Variants in RAI1 observed in about 807,000 individuals in gnomAD.
RAI1 encodes retinoic acid-induced protein 1.
A neutral mutation model predicts 123.8 loss-of-function variants in RAI1; 9 were observed. The ratio of observed to expected loss-of-function variants is 0.07; its 90% CI spans 0.04 to 0.13. The LOEUF (loss-of-function observed/expected upper bound fraction) is 0.13. Among genes scored for constraint, RAI1 ranks in the 10% least tolerant of loss-of-function variants. The pLI is 1.00. For synonymous variants in RAI1, 1,231 were observed against 1,127.3 expected, an observed-to-expected ratio of 1.09 and a Z score of -1.84; for missense variants, 2,256 against 2,545.8, an observed-to-expected ratio of 0.89 and a Z score of 2.45.
At chr17:17,765,244 T>C (rs921560285) in intron 2 of RAI1, among the ~76,000 whole-genome samples, 3 of 152,254 alleles carry the variant, frequency 2.0e-5, no homozygotes, top group South Asian at 2.1e-4. Context: ...TCCCATTCAA[T>C]GTGTGCCTTG....
chr17:17,788,989 C>G (rs189299301), intron 2 of RAI1, among the ~76,000 whole-genome samples: 1 of 152,196 alleles, frequency 6.6e-6, no homozygotes, highest in Non-Finnish European at 1.5e-5. Context: ...CATTAGTGGA[C>G]CCACCCGAGG....
Position 17,685,398 on chromosome 17 carries a change from G to A in RAI1, c.-149+3605G>A, listed in dbSNP as rs1391738251. Among the ~76,000 whole-genome samples the A allele has an allele frequency of 6.6e-6, 1 of 152,228 alleles. No homozygotes were observed. The highest frequency in any genetic ancestry group is 1.5e-5 in the Non-Finnish European group (1 of 68,038). ...GGACCCAGCTCATAGCCAAGGCCTC[G>A]ACCAGAGCTGGAGGCTTCCTGGAGG... On this transcript the variant is annotated intron_variant, in intron 1 of 5. Coordinates refer to ENST00000353383, the MANE Select transcript of RAI1 (RefSeq NM_030665.4). The surrounding 1 kb of genome is among the most constrained non-coding windows in gnomAD (Gnocchi z 4.0).
rs1158475382 is a variant in RAI1 at position 17,754,191 on chromosome 17, C to CTTTTTTTT, written c.-17+30055_-17+30062dup. ...TTTTATGCCATTCGCCTAACCCAATCTTTTTTTTTTTTTTTTTTTTTTTTT... is the reference window on the plus strand; with the variant it reads ...TTTTATGCCATTCGCCTAACCCAATCTTTTTTTTTTTTTTTTTTTTTTTTTTTTTTTTT... On this transcript the variant is annotated intron_variant, in intron 2 of 5. Transcript: ENST00000353383. 5.3e-4 allele frequency among the ~76,000 whole-genome samples: 40 copies of CTTTTTTTT among 75,724 alleles called. 1 individual carries two copies. The highest frequency in any genetic ancestry group is 1.2e-3 in the African/African-American group (21 of 17,360). The allele number at this position is 75,724 out of a possible 152,430, so 49.7% of individuals were successfully genotyped here.
intron 1 of RAI1, among the ~76,000 whole-genome samples, chr17:17,703,702 A>G (rs994862379): frequency 1.1e-4 from 16 of 152,288 alleles, no homozygotes; most frequent in African/African-American, 3.9e-4. Context: ...GTGCAGTGGT[A>G]TGATCATAAA....
At chr17:17,695,393 G>A (rs1914988509) in intron 1 of RAI1, among the ~76,000 whole-genome samples, 1 of 152,060 alleles carries the variant, frequency 6.6e-6, no homozygotes, top group African/African-American at 2.4e-5. Flanking sequence ...CCTGAGCTCG[G>A]GCACCCCGCC....
chr17:17,804,682 C>G (rs2032561741), intron 4 of RAI1, among the ~76,000 whole-genome samples: 1 of 152,212 alleles, frequency 6.6e-6, no homozygotes, highest in South Asian at 2.1e-4. Flanking sequence ...TTGTTTGAGA[C>G]AGAGTTTTGC....
chr17:17,748,382 C>T (rs1223818565), intron 2 of RAI1, among the ~76,000 whole-genome samples: 2 of 152,194 alleles, frequency 1.3e-5, no homozygotes, highest in Non-Finnish European at 2.9e-5. Context: ...GGAAGACTTC[C>T]TGAAGGAGGT....
chr17:17,692,266 G>T (rs1259718434), intron 1 of RAI1, among the ~76,000 whole-genome samples: 1 of 152,218 alleles, frequency 6.6e-6, no homozygotes, highest in African/African-American at 2.4e-5. Flanking sequence ...TACAGGGGTT[G>T]GGAAGGTGGG....
rs1276081656 is a variant in RAI1, at chr17:17,685,359, C to G, written c.-149+3566C>G. ...CACTTGACCACAAGAAGGTCACAGC[C>G]CAGTGGGTGATTGGGACCCAGCTCA... On this transcript the variant is annotated intron_variant, in intron 1 of 5. Coordinates refer to ENST00000353383, the MANE Select transcript of RAI1 (RefSeq NM_030665.4). The surrounding 1 kb of genome is among the most constrained non-coding windows in gnomAD (Gnocchi z 4.0). Among the ~76,000 whole-genome samples the G allele has an allele frequency of 2.0e-5, 3 of 152,230 alleles. No homozygotes were observed. The highest frequency in any genetic ancestry group is 4.4e-5 in the Non-Finnish European group (3 of 68,038).
At chr17:17,782,218 G>A (rs899214475) in intron 2 of RAI1, 6 of 152,248 alleles carry the variant, frequency 3.9e-5, no homozygotes, top group Admixed American at 3.9e-4. Flanking sequence ...CGAGCGAGGT[G>A]AGGAGCCCGC....
intron 2 of RAI1, among the ~76,000 whole-genome samples, chr17:17,779,837 C>A (rs563633664): frequency 6.7e-6 from 1 of 148,504 alleles, no homozygotes; most frequent in Admixed American, 6.7e-5. Flanking sequence ...TGCAGTGGCG[C>A]GATCTTGGCT....
intron 1 of RAI1, among the ~76,000 whole-genome samples, chr17:17,721,341 G>A (rs776656095): frequency 2.0e-5 from 3 of 152,144 alleles, no homozygotes; most frequent in African/African-American, 2.4e-5. Context: ...TTCCAAATAC[G>A]GAAGATACAC....
At chr17:17,764,261 C>G (rs1276586131) in intron 2 of RAI1, among the ~76,000 whole-genome samples, 3 of 152,140 alleles carry the variant, frequency 2.0e-5, no homozygotes, top group African/African-American at 4.8e-5. Context: ...GACTTGCATA[C>G]AGAGAAGAGC....
intron 1 of RAI1, among the ~76,000 whole-genome samples, chr17:17,693,084 G>T (rs1914893477): frequency 6.6e-6 from 1 of 152,222 alleles, no homozygotes; most frequent in Non-Finnish European, 1.5e-5. Context: ...ACACTGCCAT[G>T]GGTGCGCACA....
intron 2 of RAI1, among the ~76,000 whole-genome samples, chr17:17,753,890 GA>G (rs1464592135): frequency 6.6e-6 from 1 of 152,138 alleles, no homozygotes; most frequent in African/African-American, 2.4e-5. Flanking sequence ...TTGGGATTTG[GA>G]AAAAAGTTCT....
chr17:17,709,883 G>C (rs1033119254), intron 1 of RAI1, among the ~76,000 whole-genome samples: 2 of 152,206 alleles, frequency 1.3e-5, no homozygotes, highest in African/African-American at 4.8e-5. Context: ...TCCAAGAGCT[G>C]GTGCTTCAGG....
At chr17:17,730,730 C>G (rs1916241139) in intron 2 of RAI1, among the ~76,000 whole-genome samples, 1 of 152,192 alleles carries the variant, frequency 6.6e-6, no homozygotes. Flanking sequence ...CCAGTGAGGC[C>G]CTGCCAGGGC....
Position 17,793,375 on chromosome 17 carries a change from G to A in RAI1, c.427G>A (p.Glu143Lys). Residue 143 changes from glutamate (E) to lysine (K), a missense_variant, in exon 3 of 6, where the codon GAG becomes AAG. By Grantham distance (56) the Glu-to-Lys change is moderately conservative. Transcript: ENST00000353383. ...ACCTGCAGGGGTGGCCAAGTATGAT[G>A]AGAACTTGATGAAAAAGACAGCAGT... is the stretch of plus-strand genomic sequence containing the variant. ...PLPAGVAKYD[E>K]NLMKKTAVPP... The A allele has an allele frequency of 1.2e-6, 2 of 1,613,378 alleles. No homozygotes were observed. The highest frequency in any genetic ancestry group is 1.7e-6 in the Non-Finnish European group (2 of 1,179,914).
rs73981022 is a variant in RAI1 at position 17,689,836 on chromosome 17, A to G, written c.-149+8043A>G. On this transcript the variant is annotated intron_variant, in intron 1 of 5. Coordinates refer to ENST00000353383, the MANE Select transcript of RAI1 (RefSeq NM_030665.4). ...TGGCCCTTCCTCCATTGTTGCTTTT[A>G]TTTCTGCCCTGAAGGATCTCATGGA... Among the ~76,000 whole-genome samples the G allele has an allele frequency of 7.2e-3, 1,091 of 152,162 alleles. 11 individuals are homozygous for G. The highest frequency in any genetic ancestry group is 0.025 in the African/African-American group (1,052 of 41,488).
Sources: gnomAD v4.1 joint callset for allele counts (sites outside exome capture counted in the v4.1 genomes callset) on GRCh38, gnomAD v4.1.1 for gene constraint, Gnocchi (gnomAD v3.1) non-coding constraint, MANE v1.5 for transcripts, NCBI Gene and HGNC (gene_info 2026-07-23, HGNC 2026-07-21) for gene names.